DLGAP2: variants seen among roughly 807,000 people sequenced by gnomAD.
DLGAP2 encodes disks large-associated protein 2.
DLGAP2 carries 26 observed loss-of-function variants against 100.3 expected under a neutral mutation model. The observed-to-expected ratio is 0.26, with a 90% CI of 0.19 to 0.36. DLGAP2 has a LOEUF of 0.36. Ranked by LOEUF, DLGAP2 falls within the 10% of genes least tolerant of loss-of-function variation. DLGAP2 has a pLI of 1.00. For synonymous variants in DLGAP2, 886 were observed against 630.1 expected, an observed-to-expected ratio of 1.41 and a Z score of -6.08; for missense variants, 1,858 against 1,453.2, an observed-to-expected ratio of 1.28 and a Z score of -4.53.
intron 2 of DLGAP2, among the ~76,000 whole-genome samples, chr8:1,185,591 C>A (rs888900609): frequency 2.6e-5 from 4 of 152,072 alleles, no homozygotes; most frequent in Admixed American, 6.5e-5. Flanking sequence ...CTCGCTAATT[C>A]CATCATGCAA....
intron 5 of DLGAP2, among the ~76,000 whole-genome samples, chr8:1,555,666 T>A (rs1229843923): frequency 6.6e-6 from 1 of 152,206 alleles, no homozygotes; most frequent in Non-Finnish European, 1.5e-5. Context: ...ACCCCCCAGT[T>A]GTCCTGGGAC....
intron 2 of DLGAP2, among the ~76,000 whole-genome samples, chr8:1,251,423 A>G (rs1464896215): frequency 6.6e-6 from 1 of 152,188 alleles, no homozygotes; most frequent in East Asian, 1.9e-4. Context: ...AAGATTCCAT[A>G]GCATCCACAA....
chr8:781,535 GC>G lies in DLGAP2; in HGVS notation c.18+43713del, dbSNP rs537326555. On this transcript the variant is annotated intron_variant, in intron 1 of 14. Transcript: ENST00000637795. The stretch of plus-strand genomic sequence containing the variant: ...GCTGTAATTAACTTTTAGTGTGACA[GC>G]CCTCTCAAAAGTGGGGTGTTGCCCA... Among the ~76,000 whole-genome samples, 28 of 152,280 alleles carry G rather than the reference GC, an allele frequency of 1.8e-4. No homozygotes were observed. The East Asian group carries it at 5.4e-3, about 29-fold the overall frequency.
chr8:908,783 A>C (rs576314311), intron 2 of DLGAP2, among the ~76,000 whole-genome samples: 1 of 152,332 alleles, frequency 6.6e-6, no homozygotes, highest in Non-Finnish European at 1.5e-5. Context: ...CATTTCTAAA[A>C]GCAATCGTGT....
intron 1 of DLGAP2, among the ~76,000 whole-genome samples, chr8:795,271 T>C (rs1795999880): frequency 6.6e-6 from 1 of 152,222 alleles, no homozygotes; most frequent in South Asian, 2.1e-4. Context: ...GTGTTTCTGC[T>C]TAGACACCTG....
At chr8:1,162,112 G>A (rs1211899604) in intron 2 of DLGAP2, among the ~76,000 whole-genome samples, 1 of 152,186 alleles carries the variant, frequency 6.6e-6, no homozygotes, top group African/African-American at 2.4e-5. Flanking sequence ...TAAGCCCGTG[G>A]GGCAGATTCC....
At chr8:1,595,144 G>A (rs1336513434) in intron 6 of DLGAP2, among the ~76,000 whole-genome samples, 3 of 151,930 alleles carry the variant, frequency 2.0e-5, no homozygotes, top group East Asian at 3.9e-4. Flanking sequence ...GGGTGCAAGC[G>A]ATTCTCCCAC....
chr8:989,425 T>A (rs1475160270), intron 2 of DLGAP2, among the ~76,000 whole-genome samples: 1 of 152,144 alleles, frequency 6.6e-6, no homozygotes. Flanking sequence ...GCACTTGTGT[T>A]TTTGGCCTCT....
intron 3 of DLGAP2, among the ~76,000 whole-genome samples, chr8:1,389,977 C>T (rs1191075061): frequency 1.3e-5 from 2 of 152,132 alleles, no homozygotes; most frequent in Non-Finnish European, 2.9e-5. Context: ...TGAACAGGAG[C>T]AACCGCAGGC....
chr8:1,502,467 A>C (rs550795936), intron 4 of DLGAP2, among the ~76,000 whole-genome samples: 4 of 152,222 alleles, frequency 2.6e-5, no homozygotes, highest in Non-Finnish European at 5.9e-5. Flanking sequence ...AAGATGATGG[A>C]AATGGGTAGA....
intron 2 of DLGAP2, among the ~76,000 whole-genome samples, chr8:936,015 C>T (rs756485646): frequency 2.6e-5 from 4 of 152,220 alleles, no homozygotes; most frequent in South Asian, 4.1e-4. Context: ...TTAAAATGAC[C>T]GAGGACCCTG....
Position 1,267,586 on chromosome 8 carries a change from A to ATAAGATAAG in DLGAP2, c.106+8703_106+8704insTAAGATAAG, listed in dbSNP as rs1563051934. Among the ~76,000 whole-genome samples, 68 of 48,404 alleles carry ATAAGATAAG rather than the reference A, an allele frequency of 1.4e-3. 1 individual carries two copies. Among genetic ancestry groups the ATAAGATAAG allele is most frequent in the Non-Finnish European group, 1.7e-3 (38 of 21,946 alleles). The allele number at this position is 48,404 out of a possible 152,430, so 31.8% of individuals were successfully genotyped here. On this transcript the variant is annotated intron_variant, in intron 3 of 14. Coordinates refer to ENST00000637795, the MANE Select transcript of DLGAP2 (RefSeq NM_001346810.2). ...AATAAAATAAAATAAAATAAAATAA[A>ATAAGATAAG]ATAAGATAAGATAAGATAAGATAAG...
chr8:1,130,803 C>A (rs777092796), intron 2 of DLGAP2, among the ~76,000 whole-genome samples: 11 of 152,164 alleles, frequency 7.2e-5, no homozygotes, highest in Non-Finnish European at 7.4e-5. Context: ...GCCCCCAGCT[C>A]TGCAGCGGCT....
intron 6 of DLGAP2, among the ~76,000 whole-genome samples, chr8:1,595,883 T>G (rs1796442862): frequency 7.3e-6 from 1 of 137,030 alleles, no homozygotes; most frequent in African/African-American, 2.5e-5. Context: ...AATTTTATTA[T>G]TATTATACTT....
intron 4 of DLGAP2, among the ~76,000 whole-genome samples, chr8:1,506,396 G>C (rs1446533146): frequency 2.0e-5 from 3 of 152,164 alleles, no homozygotes; most frequent in Admixed American, 2.0e-4. Context: ...GTGAGTGTCC[G>C]GAGTTTGTTC....
At chr8:1,055,753 G>A (rs1224083199) in intron 2 of DLGAP2, among the ~76,000 whole-genome samples, 1 of 152,214 alleles carries the variant, frequency 6.6e-6, no homozygotes, top group African/African-American at 2.4e-5. Context: ...CCGTTGCCAT[G>A]CTGAGTTTTC....
At position 1,708,371 on chromosome 8, in the gene DLGAP2, T is replaced by C. The variant is rs1799761255; in HGVS notation, c.*6965T>C. On this transcript the variant is annotated 3_prime_UTR_variant, in exon 15 of 15. Transcript: ENST00000637795. ...TTGAAATATCCTCAATTTCTCTATA[T>C]TTTAAGAAGTAATGGACATTTATTA... The C allele has an allele frequency of 6.6e-6, 1 of 152,246 alleles. No individual in the cohort carries two copies. The highest frequency in any genetic ancestry group is 1.5e-5 in the Non-Finnish European group (1 of 68,038). The allele number at this position is 152,246 out of a possible 1,614,324, so 9.4% of individuals were successfully genotyped here.
chr8:1,205,077 G>A (rs1797960862), intron 2 of DLGAP2, among the ~76,000 whole-genome samples: 1 of 152,198 alleles, frequency 6.6e-6, no homozygotes, highest in African/African-American at 2.4e-5. Context: ...ATGTGGTTGG[G>A]TTTCCTGTGT....
In DLGAP2 at chr8:1,347,864, T is replaced by C. The variant is rs184548830; in HGVS notation, c.106+88981T>C. On this transcript the variant is annotated intron_variant, in intron 3 of 14. Coordinates refer to ENST00000637795, the MANE Select transcript of DLGAP2 (RefSeq NM_001346810.2). ...GATTGAGTTCCCATACAGAGCTACA[T>C]TGCACTCATGGTAGCTGTGTGGAGG... Among the ~76,000 whole-genome samples, 271 of 148,206 alleles carry C rather than the reference T, an allele frequency of 1.8e-3. 3 individuals are homozygous for C. Among genetic ancestry groups the C allele is most frequent in the African/African-American group, 6.1e-3 (246 of 40,060 alleles).
Sources: allele counts gnomAD v4.1 joint callset (sites outside exome capture counted in the v4.1 genomes callset), GRCh38; gene constraint gnomAD v4.1.1; transcripts MANE v1.5; gene names NCBI Gene and HGNC (gene_info 2026-07-23, HGNC 2026-07-21).